Variants in RAI14 observed in about 807,000 individuals in gnomAD.
The protein encoded by RAI14 is ankycorbin.
A neutral mutation model predicts 115.4 loss-of-function variants in RAI14; 45 were observed. That is an observed-to-expected ratio of 0.39 (90% CI 0.31 to 0.50). The LOEUF is 0.50. Among genes scored for constraint, RAI14 ranks in the 20% least tolerant of loss-of-function variants. RAI14 has a pLI of 0.85. For synonymous variants in RAI14, 371 were observed against 415.4 expected, an observed-to-expected ratio of 0.89 and a Z score of 1.30; for missense variants, 939 against 1,131.2, an observed-to-expected ratio of 0.83 and a Z score of 2.44.
intron 2 of RAI14, among the ~76,000 whole-genome samples, chr5:34,711,687 A>G (rs914031550): frequency 2.0e-5 from 3 of 152,202 alleles, no homozygotes; most frequent in African/African-American, 7.2e-5. Flanking sequence ...CAGCAAGAAG[A>G]CAGCTGTCTA....
At chr5:34,690,327 CT>C (rs1474871950) in intron 2 of RAI14, among the ~76,000 whole-genome samples, 3 of 152,076 alleles carry the variant, frequency 2.0e-5, no homozygotes, top group African/African-American at 7.2e-5. Flanking sequence ...AGAAAGGATT[CT>C]TTGTATTTCT....
intron 15 of RAI14, among the ~76,000 whole-genome samples, chr5:34,824,946 CAAAAAAAAAA>C (rs1174399473): frequency 1.5e-5 from 1 of 66,564 alleles, no homozygotes; most frequent in African/African-American, 6.4e-5. Context: ...GACTTCATCT[CAAAAAAAAAA>C]AAAAAAAAAA....
intron 9 of RAI14, 115 bp downstream of exon 9, chr5:34,812,060 G>GAAA: frequency 4.0e-6 from 5 of 1,248,586 alleles, no homozygotes; most frequent in Non-Finnish European, 5.6e-6. Context: ...ACATATTCTT[G>GAAA]AAAAAAAAAG....
chr5:34,766,234 G>A (rs2150118280), intron 3 of RAI14, among the ~76,000 whole-genome samples: 1 of 152,238 alleles, frequency 6.6e-6, no homozygotes, highest in African/African-American at 2.4e-5. Context: ...TGAGAAGAGG[G>A]CCACAATCCT....
At chr5:34,704,952 G>A (rs964561821) in intron 2 of RAI14, among the ~76,000 whole-genome samples, 7 of 152,076 alleles carry the variant, frequency 4.6e-5, no homozygotes, top group African/African-American at 1.7e-4. Context: ...CTAAGGAACT[G>A]AATTTTTCTT....
Position 34,824,425 on chromosome 5 carries a change from A to G in RAI14, c.2583A>G (p.Glu861=), listed in dbSNP as rs1757229639. Residue 861 remains glutamate, a synonymous_variant, in exon 15 of 18, where the codon GAA becomes GAG. Transcript: ENST00000265109. ...ELLQKFQQAQ[E]ELAEMKRYAE... is the part of the protein sequence containing the mutation. The stretch of plus-strand genomic sequence containing the variant: ...TGCAAAAATTCCAGCAAGCTCAGGA[A>G]GAACTTGCAGAAATGAAAAGATACG... 1 of 1,605,872 alleles carries G rather than the reference A, an allele frequency of 6.2e-7. No homozygotes were observed. Among genetic ancestry groups the G allele is most frequent in the Non-Finnish European group, 8.5e-7 (1 of 1,174,420 alleles).
Position 34,831,025 on chromosome 5 carries a change from G to C in RAI14, c.*260G>C. On this transcript the variant is annotated 3_prime_UTR_variant, in exon 18 of 18. Transcript: ENST00000265109. ...GAGCTGGGATCAGCCATGCCCAGAG[G>C]TCTGGTCCTGATGCTGGCAGGGGGG... is the stretch of plus-strand genomic sequence containing the variant. 3.8e-6 allele frequency: 2 copies of C among 529,626 alleles called. No homozygotes were observed. The highest frequency in any genetic ancestry group is 5.4e-5 in the South Asian group (2 of 37,096). The allele number at this position is 529,626 out of a possible 1,614,324, so 32.8% of individuals were successfully genotyped here. A position where few individuals can be genotyped will look rare whatever the true frequency, so the allele number is the denominator to read the frequency against.
chr5:34,744,055 A>G (rs1745866621), intron 2 of RAI14, among the ~76,000 whole-genome samples: 2 of 152,202 alleles, frequency 1.3e-5, no homozygotes, highest in Non-Finnish European at 2.9e-5. Flanking sequence ...TGAAATGTGT[A>G]ATGTATCGCT....
intron 1 of RAI14, among the ~76,000 whole-genome samples, chr5:34,682,623 G>A (rs955325486): frequency 6.6e-6 from 1 of 152,160 alleles, no homozygotes; most frequent in Non-Finnish European, 1.5e-5. Flanking sequence ...TCTGTGATGA[G>A]TGGTGGCCAG....
At chr5:34,658,693 G>C (rs1011110219) in intron 1 of RAI14, among the ~76,000 whole-genome samples, 1 of 152,178 alleles carries the variant, frequency 6.6e-6, no homozygotes, top group African/African-American at 2.4e-5. Context: ...AGCTACTTGA[G>C]AGGCTGAGGC....
rs375672487 is a variant in RAI14 at position 34,760,088 on chromosome 5, C to T, written c.167+2490C>T. ...CGTGATCTCGGCTCACTGCAACCTC[C>T]GCCAGGCTGGAGTACAGTGGCGTGA... On this transcript the variant is annotated intron_variant, in intron 3 of 17. Transcript: ENST00000265109. 1.5e-3 allele frequency among the ~76,000 whole-genome samples: 202 copies of T among 139,162 alleles called. 1 individual carries two copies. The highest frequency in any genetic ancestry group is 6.1e-3 in the African/African-American group (178 of 29,180). The allele number at this position is 139,162 out of a possible 152,430, so 91.3% of individuals were successfully genotyped here.
At chr5:34,740,859 G>A (rs1745429586) in intron 2 of RAI14, among the ~76,000 whole-genome samples, 1 of 152,204 alleles carries the variant, frequency 6.6e-6, no homozygotes, top group African/African-American at 2.4e-5. Context: ...GTGTAGGAAG[G>A]CTATAACAAA....
chr5:34,789,063 A>G (rs909728634), intron 3 of RAI14, among the ~76,000 whole-genome samples: 3 of 152,150 alleles, frequency 2.0e-5, no homozygotes, highest in Non-Finnish European at 4.4e-5. Flanking sequence ...GGCTCTTTTT[A>G]TTTAGAGTTG....
At chr5:34,787,938 C>CTTTTTGTTTT (rs1752506599) in intron 3 of RAI14, among the ~76,000 whole-genome samples, 1 of 26,816 alleles carries the variant, frequency 3.7e-5, no homozygotes, top group African/African-American at 9.0e-5. Flanking sequence ...TTTTTTGAGA[C>CTTTTTGTTTT]AGGGTCTCAC....
In RAI14 at chr5:34,814,427, G is replaced by C. The variant is rs149214635; in HGVS notation, c.853-156G>C. Among the ~76,000 whole-genome samples the C allele has an allele frequency of 6.1e-3, 936 of 152,280 alleles. 7 individuals carry two copies. Among genetic ancestry groups the C allele is most frequent in the African/African-American group, 0.021 (887 of 41,562 alleles). ...AGAAAGTATTTGAAGTAGCTGAATT[G>C]CACTGAAAATATTCTACCCGTGAAT... On this transcript the variant is annotated intron_variant, in intron 11 of 17. Coordinates refer to ENST00000265109, the MANE Select transcript of RAI14 (RefSeq NM_015577.3).
At chr5:34,745,929 T>C (rs1296588892) in intron 2 of RAI14, among the ~76,000 whole-genome samples, 1 of 152,162 alleles carries the variant, frequency 6.6e-6, no homozygotes, top group Non-Finnish European at 1.5e-5. Context: ...TGACTTCTTC[T>C]CTGCCACTGC....
chr5:34,813,662 TA>T lies in RAI14; in HGVS notation c.852+7del. On this transcript the variant is annotated splice_donor_region_variant and intron_variant, in intron 11 of 17. Transcript: ENST00000265109. ...CCACCTCCTATCAGTCCTACCCAGG[TA>T]AAAACAAAAGCAAACCAACAATCAA... is the stretch of plus-strand genomic sequence containing the variant. 1 of 1,599,386 alleles carries T rather than the reference TA, an allele frequency of 6.3e-7. No individual in the cohort carries two copies. Among genetic ancestry groups the T allele is most frequent in the South Asian group, 1.1e-5 (1 of 88,902 alleles).
intron 3 of RAI14, among the ~76,000 whole-genome samples, chr5:34,779,169 A>G (rs1222978871): frequency 2.0e-5 from 3 of 152,250 alleles, no homozygotes; most frequent in East Asian, 1.9e-4. Flanking sequence ...GAAAAAATCA[A>G]CAGCCCTTCA....
intron 2 of RAI14, among the ~76,000 whole-genome samples, chr5:34,726,749 A>G (rs1041476657): frequency 2.0e-5 from 3 of 152,154 alleles, no homozygotes; most frequent in African/African-American, 7.2e-5. Context: ...GTTCTTCTGC[A>G]CATGCTTTCT....
Sources: gnomAD v4.1 joint callset for allele counts (sites outside exome capture counted in the v4.1 genomes callset) on GRCh38, gnomAD v4.1.1 for gene constraint, MANE v1.5 for transcripts, NCBI Gene and HGNC (gene_info 2026-07-23, HGNC 2026-07-21) for gene names.